The following ATP13A4 variants were observed in gnomAD, a reference collection of about 807,000 sequenced individuals.
ATP13A4 encodes the protein probable cation-transporting ATPase 13A4.
In ATP13A4, 114 loss-of-function variants were observed where a neutral mutation model predicts 142.5. That is an observed-to-expected ratio of 0.80 (90% confidence interval 0.69 to 0.93). The LOEUF (loss-of-function observed/expected upper bound fraction) is 0.93, where lower values mean the gene tolerates loss of function less well. Ranked by LOEUF, ATP13A4 falls within the 40% of genes least tolerant of loss-of-function variation. The pLI is 0.00. For synonymous variants in ATP13A4, 488 were observed against 514.8 expected, an observed-to-expected ratio of 0.95 and a Z score of 0.70; for missense variants, 1,392 against 1,454.0, an observed-to-expected ratio of 0.96 and a Z score of 0.69.
In ATP13A4 at chr3:193,400,454, A is replaced by G. The variant is rs1714226569; in HGVS notation, c.*2198T>C. ...TTTGTTTTTAATACACCTCTAGCCC[A>G]GGCCTGGCAGGATGCCTGGCATTCA... On this transcript the variant is annotated 3_prime_UTR_variant, in exon 30 of 30. Coordinates refer to ENST00000342695, the MANE Select transcript of ATP13A4 (RefSeq NM_032279.4). Among the ~76,000 whole-genome samples the G allele has an allele frequency of 6.6e-6, 1 of 152,234 alleles. No homozygotes were observed. Among genetic ancestry groups the G allele is most frequent in the Admixed American group, 6.5e-5 (1 of 15,286 alleles).
intron 19 of ATP13A4, 96 bp from the exon 20 acceptor site, chr3:193,441,684 G>A: frequency 2.1e-6 from 3 of 1,438,910 alleles, no homozygotes; most frequent in Non-Finnish European, 2.9e-6. Flanking sequence ...GACAGACCAG[G>A]ATCTATCTGT....
rs549716590 is a variant in ATP13A4, at chr3:193,585,513, G to A, written n.92-3607C>T. Among the ~76,000 whole-genome samples the A allele has an allele frequency of 4.6e-5, 7 of 151,860 alleles. No individual in the cohort carries two copies. In the East Asian group the frequency reaches 1.4e-3, roughly 29 times the overall value. On this transcript the variant is annotated intron_variant and non_coding_transcript_variant, in intron 1 of 3. Transcript: ENST00000489140. ...GCAATTTTTTTTTTGTAGCTCATCA[G>A]CTATTGTTAGTTTATTTTATGTGTG...
chr3:193,535,351 T>C (rs1186516020), intron 1 of ATP13A4, among the ~76,000 whole-genome samples: 2 of 151,962 alleles, frequency 1.3e-5, no homozygotes, highest in African/African-American at 4.8e-5. Context: ...CCAACCAGAA[T>C]AGAACTGGAA....
chr3:193,516,825 A>G (rs1721443034), intron 1 of ATP13A4, among the ~76,000 whole-genome samples: 1 of 152,198 alleles, frequency 6.6e-6, no homozygotes, highest in Admixed American at 6.5e-5. Flanking sequence ...CAGTTTCCAA[A>G]GTGTCTTTGT....
intron 18 of ATP13A4, 70 bp from the exon 19 acceptor site, chr3:193,442,626 A>G: frequency 6.8e-7 from 1 of 1,478,138 alleles, no homozygotes; most frequent in Non-Finnish European, 9.4e-7. Flanking sequence ...AGCCTTGAAA[A>G]CCAGAGCAGG....
In ATP13A4 at chr3:193,439,184, T is replaced by C. The variant is rs901811876; in HGVS notation, c.2520-119A>G. 3.9e-5 allele frequency: 42 copies of C among 1,070,402 alleles called. 1 individual carries two copies. The highest frequency in any genetic ancestry group is 1.6e-5 in the African/African-American group (1 of 64,070). 66.3% of individuals were successfully genotyped at this position (1,070,402 alleles called of 1,614,324 possible). A position where few individuals can be genotyped will look rare whatever the true frequency, so the allele number is the denominator to read the frequency against. On this transcript the variant is annotated intron_variant, in intron 21 of 29. Coordinates refer to ENST00000342695, the MANE Select transcript of ATP13A4 (RefSeq NM_032279.4). ...TCAAACTCATTATTTAAGGGAATTT[T>C]CCTAAGAGTCTAGTTTGACTGAAAA... is the stretch of plus-strand genomic sequence containing the variant.
chr3:193,592,011 T>C (rs1321610400), intron 1 of ATP13A4, among the ~76,000 whole-genome samples: 1 of 151,784 alleles, frequency 6.6e-6, no homozygotes, highest in African/African-American at 2.4e-5. Flanking sequence ...ATTTGGGAAG[T>C]TTACTATCAA....
At chr3:193,567,180 A>G (rs891952354) in intron 2 of ATP13A4, among the ~76,000 whole-genome samples, 2 of 152,228 alleles carry the variant, frequency 1.3e-5, no homozygotes, top group Non-Finnish European at 2.9e-5. Context: ...TGATAATTAA[A>G]TATTAAATGA....
Position 193,448,209 on chromosome 3 carries a change from T to G in ATP13A4, c.2149A>C (p.Thr717Pro). ...ISARIRTVMI[T>P]GDNLQTAITV... ...CACTGTATACTTTGTTTCATACCTGTGATCATTACAGTCCTTATCCGGGCT... is the reference window on the plus strand; with the variant it reads ...CACTGTATACTTTGTTTCATACCTGGGATCATTACAGTCCTTATCCGGGCT... Residue 717 changes from threonine (T) to proline (P), a missense_variant, in exon 18 of 30, where the codon ACA (threonine) becomes CCA (proline). Coordinates refer to ENST00000342695, the MANE Select transcript of ATP13A4 (RefSeq NM_032279.4). 1 of 1,614,114 alleles carries G rather than the reference T, an allele frequency of 6.2e-7. No individual in the cohort carries two copies. The highest frequency in any genetic ancestry group is 8.5e-7 in the Non-Finnish European group (1 of 1,179,988).
At chr3:193,443,598 A>G (rs1232032328) in intron 18 of ATP13A4, among the ~76,000 whole-genome samples, 1 of 152,220 alleles carries the variant, frequency 6.6e-6, no homozygotes, top group Non-Finnish European at 1.5e-5. Flanking sequence ...GGGATATTCA[A>G]TATGAAAAAT....
At chr3:193,483,710 C>T (rs971140222) in intron 8 of ATP13A4, among the ~76,000 whole-genome samples, 7 of 152,070 alleles carry the variant, frequency 4.6e-5, no homozygotes, top group Non-Finnish European at 7.4e-5. Context: ...GTGATCAGCC[C>T]GCCTCGGCCT....
chr3:193,548,241 C>G (rs1407159219), intron 1 of ATP13A4, among the ~76,000 whole-genome samples: 1 of 152,014 alleles, frequency 6.6e-6, no homozygotes, highest in Non-Finnish European at 1.5e-5. Flanking sequence ...CTGCTGCATC[C>G]CTGTTCTCAG....
At chr3:193,407,658 G>A (rs1471326481) in intron 28 of ATP13A4, among the ~76,000 whole-genome samples, 1 of 152,078 alleles carries the variant, frequency 6.6e-6, no homozygotes, top group African/African-American at 2.4e-5. Flanking sequence ...TTCTTGTGAT[G>A]TGTGTGTGTT....
In ATP13A4 at chr3:193,440,972, G is replaced by T. The variant is rs140557911; in HGVS notation, c.2440-335C>A. On this transcript the variant is annotated intron_variant, in intron 20 of 29. Coordinates refer to ENST00000342695, the MANE Select transcript of ATP13A4 (RefSeq NM_032279.4). ...ACCTTGAACTGCAAAACAGCAAAAG[G>T]TTGATCTATATATCTAAACTATCGA... is the stretch of plus-strand genomic sequence containing the variant. 6.7e-3 allele frequency among the ~76,000 whole-genome samples: 1,016 copies of T among 152,040 alleles called. 18 individuals carry two copies. Among genetic ancestry groups the T allele is most frequent in the African/African-American group, 0.023 (957 of 41,480 alleles).
At chr3:193,416,654 T>G (rs935487563) in intron 25 of ATP13A4, among the ~76,000 whole-genome samples, 4 of 151,646 alleles carry the variant, frequency 2.6e-5, no homozygotes, top group African/African-American at 7.3e-5. Flanking sequence ...GAAGGTAGGA[T>G]AGTTGAAAAT....
At chr3:193,480,190 G>C (rs1486158008) in intron 8 of ATP13A4, among the ~76,000 whole-genome samples, 1 of 152,100 alleles carries the variant, frequency 6.6e-6, no homozygotes, top group Non-Finnish European at 1.5e-5. Context: ...AACTCTTCTA[G>C]ACATTGGCTT....
At chr3:193,554,704 T>C in intron 1 of ATP13A4, 36 bp downstream of exon 1, 1 of 1,603,352 alleles carries the variant, frequency 6.2e-7, no homozygotes, top group African/African-American at 1.3e-5. Context: ...GGCTGAGAAG[T>C]GGGATGGGAA....
chr3:193,517,520 G>T (rs975019210), intron 1 of ATP13A4, among the ~76,000 whole-genome samples: 15 of 152,186 alleles, frequency 9.9e-5, no homozygotes, highest in African/African-American at 2.4e-4. Flanking sequence ...TCGCTCTGTC[G>T]CCCAGGCTGG....
At chr3:193,498,822 C>T (rs1265194908) in intron 3 of ATP13A4, among the ~76,000 whole-genome samples, 1 of 152,160 alleles carries the variant, frequency 6.6e-6, no homozygotes, top group African/African-American at 2.4e-5. Flanking sequence ...CTATATTCTA[C>T]CTCAGCTTCT....
Sources: allele counts gnomAD v4.1 joint callset (sites outside exome capture counted in the v4.1 genomes callset), GRCh38; gene constraint gnomAD v4.1.1; transcripts MANE v1.5; gene names NCBI Gene and HGNC (gene_info 2026-07-23, HGNC 2026-07-21).